EFL1: variants seen among roughly 807,000 people sequenced by gnomAD.
The protein encoded by EFL1 is elongation factor-like GTPase 1.
In EFL1, 76 loss-of-function variants were observed where a neutral mutation model predicts 126.7. The ratio of observed to expected loss-of-function variants is 0.60; its 90% CI spans 0.50 to 0.73. The LOEUF (loss-of-function observed/expected upper bound fraction) is 0.73, where lower values mean the gene tolerates loss of function less well. Among genes scored for constraint, EFL1 ranks in the 30% least tolerant of loss-of-function variants. EFL1 has a pLI of 0.00. For synonymous variants in EFL1, 410 were observed against 448.4 expected, an observed-to-expected ratio of 0.91 and a Z score of 1.08; for missense variants, 1,128 against 1,343.2, an observed-to-expected ratio of 0.84 and a Z score of 2.50.
chr15:82,144,518 A>C (rs898062486), intron 18 of EFL1, among the ~76,000 whole-genome samples: 3 of 152,178 alleles, frequency 2.0e-5, no homozygotes, highest in Non-Finnish European at 4.4e-5. Flanking sequence ...ATGTTTGTGC[A>C]CTAAATAATA....
intron 15 of EFL1, among the ~76,000 whole-genome samples, chr15:82,191,240 C>T (rs1417481239): frequency 1.3e-5 from 2 of 152,118 alleles, no homozygotes; most frequent in Non-Finnish European, 2.9e-5. Flanking sequence ...ACCCTGAAAT[C>T]TTTGGGGCTA....
At chr15:82,203,179 A>G (rs1488992244) in intron 15 of EFL1, among the ~76,000 whole-genome samples, 4 of 152,172 alleles carry the variant, frequency 2.6e-5, no homozygotes, top group Non-Finnish European at 5.9e-5. Context: ...AAGAAAACTA[A>G]AACAGACAAT....
chr15:82,153,415 C>T (rs1011500538), intron 17 of EFL1, among the ~76,000 whole-genome samples: 12 of 151,558 alleles, frequency 7.9e-5, no homozygotes, highest in Admixed American at 3.9e-4. Flanking sequence ...GATATAAAAT[C>T]TAAGATAAAA....
chr15:82,256,554 T>C (rs1418072058), intron 3 of EFL1, among the ~76,000 whole-genome samples: 1 of 152,252 alleles, frequency 6.6e-6, no homozygotes, highest in African/African-American at 2.4e-5. Context: ...ACAGCCATTC[T>C]TGCCTTATTC....
At chr15:82,212,724 G>A (rs1018027436) in intron 15 of EFL1, among the ~76,000 whole-genome samples, 1 of 152,176 alleles carries the variant, frequency 6.6e-6, no homozygotes, top group African/African-American at 2.4e-5. Context: ...CTATTCAAAA[G>A]CCATTCACAA....
chr15:82,195,968 T>C (rs964434050), intron 15 of EFL1, among the ~76,000 whole-genome samples: 2 of 152,210 alleles, frequency 1.3e-5, no homozygotes, highest in African/African-American at 4.8e-5. Flanking sequence ...CAGATGTATC[T>C]GTCTGACGCA....
intron 15 of EFL1, among the ~76,000 whole-genome samples, chr15:82,211,182 G>C (rs1218795881): frequency 6.6e-6 from 1 of 151,780 alleles, no homozygotes; most frequent in South Asian, 2.1e-4. Context: ...TTTATTACCT[G>C]TGGCTGCCAG....
At chr15:82,180,782 A>G (rs1237030621) in intron 15 of EFL1, among the ~76,000 whole-genome samples, 3 of 151,680 alleles carry the variant, frequency 2.0e-5, no homozygotes, top group Non-Finnish European at 2.9e-5. Flanking sequence ...GCTGGAGTAC[A>G]GTGGTTCAAT....
At chr15:82,170,012 C>T (rs1265554634) in intron 15 of EFL1, among the ~76,000 whole-genome samples, 12 of 151,150 alleles carry the variant, frequency 7.9e-5, no homozygotes. Context: ...AGGTTATGGG[C>T]CTCCTGGAGA....
intron 4 of EFL1, among the ~76,000 whole-genome samples, chr15:82,243,496 G>C (rs1214683692): frequency 3.8e-4 from 5 of 13,268 alleles, no homozygotes; most frequent in Non-Finnish European, 8.2e-4. Context: ...TTGCAACTGG[G>C]GAAACAACAC....
chr15:82,151,822 G>T lies in EFL1; in HGVS notation c.2632C>A (p.Leu878Ile), dbSNP rs2073912416. The change falls in exon 18 of 20, where the codon CTC becomes ATC. Residue 878 changes from leucine (L) to isoleucine (I), a missense_variant. By Grantham distance (5) the Leu-to-Ile change is conservative. This residue lies in a region of EFL1 where 561 missense variants were observed against 641.7 expected (regional missense o/e 0.87). Coordinates refer to ENST00000268206, the MANE Select transcript of EFL1 (RefSeq NM_024580.6). Reference protein sequence around the residue: ...SIVSGFQLATLSGPMCEEPLM... With the variant: ...SIVSGFQLATISGPMCEEPLM... Reference sequence around the variant, plus strand: ...GGCTCCTCACACATGGGGCCAGAGAGGGTTGCTAGTTGGAAGCCACTCACA... The same window carrying T: ...GGCTCCTCACACATGGGGCCAGAGATGGTTGCTAGTTGGAAGCCACTCACA... The T allele has an allele frequency of 1.5e-5, 24 of 1,613,986 alleles. No homozygotes were observed. Among genetic ancestry groups the T allele is most frequent in the Non-Finnish European group, 2.0e-5 (24 of 1,180,026 alleles).
intron 19 of EFL1, among the ~76,000 whole-genome samples, chr15:82,137,457 T>A (rs930139845): frequency 1.3e-4 from 20 of 151,878 alleles, no homozygotes; most frequent in African/African-American, 4.8e-4. Flanking sequence ...TGGTGTAGAC[T>A]CAGAGAACGA....
chr15:82,205,762 C>T (rs2074517998), intron 15 of EFL1, among the ~76,000 whole-genome samples: 1 of 152,186 alleles, frequency 6.6e-6, no homozygotes, highest in South Asian at 2.1e-4. Flanking sequence ...GAATTCCCAT[C>T]AAATAATCCT....
intron 7 of EFL1, among the ~76,000 whole-genome samples, chr15:82,232,558 T>C (rs115352906): frequency 1.9e-3 from 288 of 152,302 alleles, no homozygotes; most frequent in African/African-American, 6.4e-3. Flanking sequence ...TAATTGATAG[T>C]TAATCTCTTC....
chr15:82,165,094 G>A (rs1201111827), intron 15 of EFL1, among the ~76,000 whole-genome samples: 1 of 151,980 alleles, frequency 6.6e-6, no homozygotes, highest in African/African-American at 2.4e-5. Context: ...GTAACAGAGT[G>A]AGACTTCTTG....
intron 19 of EFL1, among the ~76,000 whole-genome samples, chr15:82,132,756 AAGG>A (rs1280740128): frequency 1.8e-4 from 15 of 83,572 alleles, no homozygotes; most frequent in East Asian, 8.1e-4. Context: ...GGCAGTTAAG[AAGG>A]AGGAGTGGGG....
intron 15 of EFL1, among the ~76,000 whole-genome samples, chr15:82,169,097 T>G (rs1264573906): frequency 6.6e-6 from 1 of 152,044 alleles, no homozygotes; most frequent in Non-Finnish European, 1.5e-5. Context: ...TGGAGCTTGG[T>G]TCTCATCAAG....
intron 19 of EFL1, among the ~76,000 whole-genome samples, chr15:82,132,173 T>C (rs964197154): frequency 6.6e-6 from 1 of 152,180 alleles, no homozygotes; most frequent in Non-Finnish European, 1.5e-5. Flanking sequence ...GCCACAACTG[T>C]GCTTCTTGCT....
chr15:82,231,727 G>A (rs1036015845), intron 7 of EFL1, among the ~76,000 whole-genome samples: 4 of 151,142 alleles, frequency 2.6e-5, no homozygotes, highest in South Asian at 2.1e-4. Flanking sequence ...TAATGCAATC[G>A]CACAAGAAAA....
Sources: gnomAD v4.1 joint callset for allele counts (sites outside exome capture counted in the v4.1 genomes callset) on GRCh38, gnomAD v4.1.1 for gene constraint, gnomAD v4.1.1 regional missense constraint, MANE v1.5 for transcripts, NCBI Gene and HGNC (gene_info 2026-07-23, HGNC 2026-07-21) for gene names.